Variants in CHL1 observed in about 807,000 individuals in gnomAD.
CHL1 encodes cell adhesion molecule L1 like, also known as neural cell adhesion molecule L1-like protein.
In CHL1, 96 loss-of-function variants were observed where a neutral mutation model predicts 141.9. The observed-to-expected ratio is 0.68, with a 90% CI of 0.57 to 0.80. The LOEUF is 0.80. Ranked by LOEUF, CHL1 falls within the 30% of genes least tolerant of loss-of-function variation. CHL1 has a pLI of 0.00. For synonymous variants in CHL1, 613 were observed against 502.2 expected, an observed-to-expected ratio of 1.22 and a Z score of -2.95; for missense variants, 1,820 against 1,457.2, an observed-to-expected ratio of 1.25 and a Z score of -4.05.
At chr3:210,759 G>A (rs544086041) in intron 1 of CHL1, among the ~76,000 whole-genome samples, 1 of 152,272 alleles carries the variant, frequency 6.6e-6, no homozygotes, top group South Asian at 2.1e-4. Flanking sequence ...CTTACAAAGA[G>A]GGAAAAAATA....
chr3:225,133 C>T (rs1474186752), intron 1 of CHL1, among the ~76,000 whole-genome samples: 4 of 152,072 alleles, frequency 2.6e-5, no homozygotes, highest in African/African-American at 9.7e-5. Context: ...GACTCTATCT[C>T]AAAAAGAACT....
At chr3:324,208 G>C (rs1380723516) in intron 3 of CHL1, among the ~76,000 whole-genome samples, 1 of 152,056 alleles carries the variant, frequency 6.6e-6, no homozygotes, top group African/African-American at 2.4e-5. Flanking sequence ...GAGTGGTTCA[G>C]GGCCTGGTCC....
At chr3:404,949 G>A (rs1468399312) in intron 27 of CHL1, among the ~76,000 whole-genome samples, 1 of 152,080 alleles carries the variant, frequency 6.6e-6, no homozygotes, top group Non-Finnish European at 1.5e-5. Flanking sequence ...TCTGGTGAAC[G>A]CTCACTTTCT....
chr3:373,123 T>G (rs935449978), intron 15 of CHL1, among the ~76,000 whole-genome samples: 2 of 152,174 alleles, frequency 1.3e-5, no homozygotes, highest in Admixed American at 1.3e-4. Context: ...AAGCACTTTG[T>G]CCCTTGGTGG....
At chr3:302,820 T>A (rs1293410136) in intron 2 of CHL1, among the ~76,000 whole-genome samples, 1 of 152,220 alleles carries the variant, frequency 6.6e-6, no homozygotes, top group African/African-American at 2.4e-5. Flanking sequence ...TCTTTGCCCA[T>A]ACCTATGTTC....
At chr3:382,352 C>A in intron 17 of CHL1, 72 bp downstream of exon 17, 2 of 1,478,620 alleles carry the variant, frequency 1.4e-6, no homozygotes, top group South Asian at 1.2e-5. Flanking sequence ...ACTTTTTAAC[C>A]ACTCTTACTG....
In CHL1 at chr3:407,510, T is replaced by A. The variant is rs1461107518; in HGVS notation, c.*1799T>A. ...GGGGAAGGCAGTGTGGTCCCTACCC[T>A]GTGTGAATGTGAGGATGTAGACATC... is the stretch of plus-strand genomic sequence containing the variant. On this transcript the variant is annotated 3_prime_UTR_variant, in exon 28 of 28. Coordinates refer to ENST00000256509, the MANE Select transcript of CHL1 (RefSeq NM_006614.4). 1.3e-5 allele frequency: 2 copies of A among 152,096 alleles called. No homozygotes were observed. Among genetic ancestry groups the A allele is most frequent in the African/African-American group, 2.4e-5 (1 of 41,428 alleles). The allele number at this position is 152,096 out of a possible 1,614,324, so 9.4% of individuals were successfully genotyped here. A position where few individuals can be genotyped will look rare whatever the true frequency, so the allele number is the denominator to read the frequency against.
chr3:265,932 A>G (rs749686149), intron 2 of CHL1, among the ~76,000 whole-genome samples: 1 of 152,192 alleles, frequency 6.6e-6, no homozygotes, highest in Non-Finnish European at 1.5e-5. Context: ...TAAACAAACC[A>G]TCCCATGCAC....
At chr3:380,469 T>G (rs1706897987) in intron 16 of CHL1, among the ~76,000 whole-genome samples, 1 of 152,170 alleles carries the variant, frequency 6.6e-6, no homozygotes, top group African/African-American at 2.4e-5. Flanking sequence ...AAACCCAATT[T>G]TCAGAGTAAA....
At chr3:298,825 CTTCAAATTTTTTTACCATATAAGA>C (rs967511051) in intron 2 of CHL1, among the ~76,000 whole-genome samples, 6 of 152,088 alleles carry the variant, frequency 3.9e-5, no homozygotes, top group Non-Finnish European at 8.8e-5. Flanking sequence ...CAGTCACTGC[CTTCAAATTTTTTTACCATATAAGA>C]TGATGAACAC....
intron 19 of CHL1, among the ~76,000 whole-genome samples, 197 bp from the exon 20 acceptor site, chr3:389,055 G>A (rs572277737): frequency 1.1e-3 from 167 of 152,220 alleles, no homozygotes; most frequent in Admixed American, 3.2e-3. Flanking sequence ...GGAGTTAAGG[G>A]ATTAATTTTC....
At position 256,002 on chromosome 3, in the gene CHL1, G is replaced by A. The variant is rs139825926; in HGVS notation, c.-95+11310G>A. Among the ~76,000 whole-genome samples the A allele has an allele frequency of 8.3e-4, 126 of 152,120 alleles. 1 individual carries two copies. Among genetic ancestry groups the A allele is most frequent in the African/African-American group, 2.7e-3 (114 of 41,478 alleles). On this transcript the variant is annotated intron_variant, in intron 2 of 27. Transcript: ENST00000256509. ...CACTTTCAACTTTCTAAAATTCCTG[G>A]GATTCATGCTCCCATTCCCCAAAGA...
intron 2 of CHL1, among the ~76,000 whole-genome samples, chr3:302,487 T>C (rs2124913282): frequency 6.6e-6 from 1 of 152,362 alleles, no homozygotes; most frequent in East Asian, 1.9e-4. Flanking sequence ...TGCATTTCTC[T>C]AATGACCAGT....
intron 1 of CHL1, among the ~76,000 whole-genome samples, chr3:222,986 C>T (rs1384908430): frequency 6.6e-6 from 1 of 152,120 alleles, no homozygotes; most frequent in African/African-American, 2.4e-5. Context: ...TCTGACCCTC[C>T]AGCTTCTCTT....
Position 354,860 on chromosome 3 carries a change from T to C in CHL1, c.1165+89T>C, listed in dbSNP as rs1703580237. ...TCAGACGTGTGTAAAATGAAGTTGG[T>C]ATGTGGTTGGATTAGCAGGACAGAT... On this transcript the variant is annotated intron_variant, in intron 11 of 27. Coordinates refer to ENST00000256509, the MANE Select transcript of CHL1 (RefSeq NM_006614.4). 7.9e-6 allele frequency: 12 copies of C among 1,519,344 alleles called. No homozygotes were observed. In the South Asian group the frequency reaches 1.1e-4, roughly 14 times the overall value. 94.1% of individuals were successfully genotyped at this position (1,519,344 alleles called of 1,614,324 possible). A position where few individuals can be genotyped will look rare whatever the true frequency, so the allele number is the denominator to read the frequency against.
At chr3:203,227 G>C (rs1699112367) in intron 1 of CHL1, among the ~76,000 whole-genome samples, 1 of 152,212 alleles carries the variant, frequency 6.6e-6, no homozygotes, top group East Asian at 1.9e-4. Context: ...AACACCGCTT[G>C]TATAAATATT....
intron 2 of CHL1, among the ~76,000 whole-genome samples, chr3:295,892 T>A (rs1698144532): frequency 6.6e-6 from 1 of 152,162 alleles, no homozygotes; most frequent in African/African-American, 2.4e-5. Flanking sequence ...TGTACACAGA[T>A]CTAAACAATC....
At chr3:354,501 A>C in intron 10 of CHL1, 139 bp from the exon 11 acceptor site, 1 of 901,850 alleles carries the variant, frequency 1.1e-6, no homozygotes, top group Non-Finnish European at 1.7e-6. Flanking sequence ...TTTGCAGAGC[A>C]AGTTTACCAA....
intron 15 of CHL1, among the ~76,000 whole-genome samples, chr3:375,352 A>T (rs1159387409): frequency 6.6e-6 from 1 of 152,034 alleles, no homozygotes; most frequent in Non-Finnish European, 1.5e-5. Flanking sequence ...TATACTGATA[A>T]CTAGGAGGGC....
Sources: gnomAD v4.1 joint callset for allele counts (sites outside exome capture counted in the v4.1 genomes callset) on GRCh38, gnomAD v4.1.1 for gene constraint, MANE v1.5 for transcripts, NCBI Gene and HGNC (gene_info 2026-07-23, HGNC 2026-07-21) for gene names.